PLA2G4C: variants seen among roughly 807,000 people sequenced by gnomAD.
PLA2G4C encodes the protein cytosolic phospholipase A2 gamma.
A neutral mutation model predicts 73.8 loss-of-function variants in PLA2G4C; 64 were observed. That is an observed-to-expected ratio of 0.87 (90% CI 0.71 to 1.07). PLA2G4C has a LOEUF of 1.07. PLA2G4C is among the 50% of genes least tolerant of loss of function. PLA2G4C has a pLI of 0.00. For missense variants in PLA2G4C, 622 were observed against 665.4 expected (o/e 0.93, Z 0.72); for synonymous variants, 254 against 252.1 (o/e 1.01, Z -0.07).
chr19:48,103,224 T>G (rs759130646), intron 4 of PLA2G4C, among the ~76,000 whole-genome samples: 16 of 152,126 alleles, frequency 1.1e-4, no homozygotes, highest in Non-Finnish European at 2.1e-4. Flanking sequence ...GAAGAAATCA[T>G]GGGGTTCCTA....
At chr19:48,063,538 AATG>A (rs113131182) in intron 13 of PLA2G4C, among the ~76,000 whole-genome samples, 4 of 150,016 alleles carry the variant, frequency 2.7e-5, no homozygotes, top group African/African-American at 4.9e-5. Context: ...CCAAAAATAA[AATG>A]ATAAGCCCCT....
chr19:48,095,975 T>G (rs1010356170), intron 6 of PLA2G4C, among the ~76,000 whole-genome samples: 3 of 152,150 alleles, frequency 2.0e-5, no homozygotes. Flanking sequence ...GATTCCAATG[T>G]GAGTCATTAG....
At position 48,110,665 on chromosome 19, in the gene PLA2G4C, C is replaced by T; in HGVS notation, c.-211G>A. On this transcript the variant is annotated 5_prime_UTR_variant, in exon 1 of 17. Coordinates refer to ENST00000599921, the MANE Select transcript of PLA2G4C (RefSeq NM_003706.3). Reference sequence around the variant, plus strand: ...TGCCAAAGCTTCTGTGGTCCTCCTGCTTTCCTTTTCCCCCTGTGGGAGGAG... The same window carrying T: ...TGCCAAAGCTTCTGTGGTCCTCCTGTTTTCCTTTTCCCCCTGTGGGAGGAG... 1 of 496,504 alleles carries T rather than the reference C, an allele frequency of 2.0e-6. No homozygotes were observed. The allele number at this position is 496,504 out of a possible 1,614,324, so 30.8% of individuals were successfully genotyped here.
In PLA2G4C at chr19:48,085,073, C is replaced by T. The variant is rs774746653; in HGVS notation, c.830G>A (p.Gly277Glu). Reference sequence around the variant, plus strand: ...CAAATACTCACCAAAAATAAGGTGTCCAATGCTTTTAGCATTAGCAACAGC... The same window carrying T: ...CAAATACTCACCAAAAATAAGGTGTTCAATGCTTTTAGCATTAGCAACAGC... ...RRAVANAKSIGHLIFARLLRL... is the reference protein window; with the variant it reads ...RRAVANAKSIEHLIFARLLRL... Residue 277 changes from glycine (G) to glutamate (E), a missense_variant, in exon 10 of 17, where the codon GGA (glycine) becomes GAA (glutamate). Transcript: ENST00000599921. 8 of 1,611,478 alleles carry T rather than the reference C, an allele frequency of 5.0e-6. No homozygotes were observed. The East Asian group carries it at 1.3e-4, about 27-fold the overall frequency.
intron 13 of PLA2G4C, among the ~76,000 whole-genome samples, chr19:48,067,494 C>T (rs1052393319): frequency 6.6e-6 from 1 of 152,142 alleles, no homozygotes; most frequent in Non-Finnish European, 1.5e-5. Context: ...AAGACCAGGT[C>T]CTAGGACTAG....
At chr19:48,068,652 T>C (rs1968540240) in intron 12 of PLA2G4C, among the ~76,000 whole-genome samples, 1 of 151,440 alleles carries the variant, frequency 6.6e-6, no homozygotes, top group Admixed American at 6.6e-5. Flanking sequence ...TGTATGATTG[T>C]GCCACTGCAC....
intron 4 of PLA2G4C, among the ~76,000 whole-genome samples, chr19:48,101,863 C>T (rs560702504): frequency 8.5e-4 from 128 of 151,434 alleles, no homozygotes; most frequent in Non-Finnish European, 1.5e-3. Context: ...TTAGTAGAGA[C>T]AGGGTTTCAC....
At chr19:48,097,286 T>C (rs1486830392) in intron 6 of PLA2G4C, among the ~76,000 whole-genome samples, 2 of 134,956 alleles carry the variant, frequency 1.5e-5, no homozygotes, top group African/African-American at 2.9e-5. Flanking sequence ...GGAGTCTTGC[T>C]CTGTCGCCCA....
chr19:48,060,049 G>A (rs370597579), intron 14 of PLA2G4C, among the ~76,000 whole-genome samples: 107 of 151,986 alleles, frequency 7.0e-4, no homozygotes, highest in African/African-American at 2.3e-3. Context: ...GATTACAGGC[G>A]TGAGCCACCA....
At position 48,072,829 on chromosome 19, in the gene PLA2G4C, AG is replaced by A. The variant is rs1278913696; in HGVS notation, c.1006+1937del. 1 of 152,332 alleles carries A rather than the reference AG, an allele frequency of 6.6e-6. No homozygotes were observed. Among genetic ancestry groups the A allele is most frequent in the African/African-American group, 2.4e-5 (1 of 41,466 alleles). The allele number at this position is 152,332 out of a possible 1,614,324, so 9.4% of individuals were successfully genotyped here. ...TTGGTGAGCTGCTGATGAGCTGGTC[AG>A]GAGGACTCTGGGTGTGTCTGTGCCT... On this transcript the variant is annotated intron_variant, in intron 12 of 16. Coordinates refer to ENST00000599921, the MANE Select transcript of PLA2G4C (RefSeq NM_003706.3). This position sits in a 1 kb window ranked among gnomAD's most constrained non-coding sequence, Gnocchi z 4.4.
At chr19:48,049,882 AC>A (rs1967657142) in intron 16 of PLA2G4C, among the ~76,000 whole-genome samples, 1 of 152,170 alleles carries the variant, frequency 6.6e-6, no homozygotes, top group Admixed American at 6.5e-5. Flanking sequence ...AGCCTCCAGA[AC>A]TGTGAGACAA....
intron 10 of PLA2G4C, among the ~76,000 whole-genome samples, chr19:48,078,143 G>A (rs1018413051): frequency 2.0e-5 from 3 of 152,128 alleles, no homozygotes; most frequent in African/African-American, 7.2e-5. Context: ...AGGAGATGCA[G>A]AAGCATTTCA....
At chr19:48,109,940 C>T (rs1198930065) in intron 1 of PLA2G4C, among the ~76,000 whole-genome samples, 2 of 149,878 alleles carry the variant, frequency 1.3e-5, no homozygotes, top group Non-Finnish European at 3.0e-5. Context: ...TGAGCCACCG[C>T]GCCCAGCCTG....
intron 14 of PLA2G4C, among the ~76,000 whole-genome samples, chr19:48,055,499 A>G (rs951942199): frequency 2.6e-5 from 4 of 151,558 alleles, no homozygotes. Flanking sequence ...CAGGAGCCCA[A>G]CGAGATATGT....
chr19:48,086,017 C>T lies in PLA2G4C; in HGVS notation c.791-905G>A, dbSNP rs531568952. Among the ~76,000 whole-genome samples the T allele has an allele frequency of 3.3e-5, 5 of 152,218 alleles. No individual in the cohort carries two copies. The East Asian group carries it at 5.8e-4, about 18-fold the overall frequency. On this transcript the variant is annotated intron_variant, in intron 9 of 16. Coordinates refer to ENST00000599921, the MANE Select transcript of PLA2G4C (RefSeq NM_003706.3). ...CAGCCAAAAAGTTCAGGTGGGTGGT[C>T]GCAGGTTGAAAGAAGCCCCCAGCTG...
intron 13 of PLA2G4C, among the ~76,000 whole-genome samples, chr19:48,064,292 G>A (rs898590691): frequency 6.6e-6 from 1 of 151,988 alleles, no homozygotes; most frequent in African/African-American, 2.4e-5. Context: ...AGCCAGGCGT[G>A]GTGGCACCTG....
At chr19:48,055,132 G>A (rs889623062) in intron 14 of PLA2G4C, 83 bp from the exon 15 acceptor site, 28 of 1,158,470 alleles carry the variant, frequency 2.4e-5, no homozygotes, top group East Asian at 1.9e-4. Flanking sequence ...GAGACCCAAT[G>A]GGACCTCAGC....
chr19:48,054,809 T>C, intron 15 of PLA2G4C, 69 bp downstream of exon 15: 6 of 1,373,668 alleles, frequency 4.4e-6, no homozygotes, highest in Non-Finnish European at 6.2e-6. Context: ...GTCTCAGGTA[T>C]GTTTTTATTA....
At position 48,105,394 on chromosome 19, in the gene PLA2G4C, A is replaced by G; in HGVS notation, c.59T>C (p.Val20Ala). ...PGLQKEEKAA[V>A]ERRRLHVLKA... ...CAGCACATGAAGTCTTCGTCTCTCCACGGCCGCCTTTTCTTCTTTCTGGAG... is the reference window on the plus strand; with the variant it reads ...CAGCACATGAAGTCTTCGTCTCTCCGCGGCCGCCTTTTCTTCTTTCTGGAG... Residue 20 changes from valine to alanine, a missense_variant, in exon 3 of 17, where the codon GTG becomes GCG. Transcript: ENST00000599921. 6.2e-7 allele frequency: 1 copy of G among 1,613,756 alleles called. No individual in the cohort carries two copies. The highest frequency in any genetic ancestry group is 8.5e-7 in the Non-Finnish European group (1 of 1,179,886).
Sources: gnomAD v4.1 joint callset for allele counts (sites outside exome capture counted in the v4.1 genomes callset) on GRCh38, gnomAD v4.1.1 for gene constraint, Gnocchi (gnomAD v3.1) non-coding constraint, MANE v1.5 for transcripts, NCBI Gene and HGNC (gene_info 2026-07-23, HGNC 2026-07-21) for gene names.